Variants in BNC2 observed in about 807,000 individuals in gnomAD.
BNC2 encodes basonuclin zinc finger protein 2, also known as zinc finger protein basonuclin-2.
A neutral mutation model predicts 76.3 loss-of-function variants in BNC2; 20 were observed. The ratio of observed to expected loss-of-function variants is 0.26; its 90% CI spans 0.18 to 0.38. BNC2 has a LOEUF of 0.38. Among genes scored for constraint, BNC2 ranks in the 10% least tolerant of loss-of-function variants. BNC2 has a pLI of 1.00. For synonymous variants in BNC2, 582 were observed against 514.8 expected, an observed-to-expected ratio of 1.13 and a Z score of -1.77; for missense variants, 1,382 against 1,399.8, an observed-to-expected ratio of 0.99 and a Z score of 0.20.
chr9:16,678,951 A>G (rs1313951994), intron 3 of BNC2, among the ~76,000 whole-genome samples: 1 of 152,198 alleles, frequency 6.6e-6, no homozygotes, highest in Non-Finnish European at 1.5e-5. Flanking sequence ...GTAACCTTCT[A>G]TCGCCCAAGA....
rs556325063 is a variant in BNC2, at chr9:16,417,660, A to C, written c.*1329T>G. 3 of 152,758 alleles carry C rather than the reference A, an allele frequency of 2.0e-5. No individual in the cohort carries two copies. The highest frequency in any genetic ancestry group is 3.9e-4 in the East Asian group (2 of 5,186). 9.5% of individuals were successfully genotyped at this position (152,758 alleles called of 1,614,324 possible). On this transcript the variant is annotated 3_prime_UTR_variant, in exon 7 of 7. Coordinates refer to ENST00000380672, the MANE Select transcript of BNC2 (RefSeq NM_017637.6). Reference sequence around the variant, plus strand: ...ACCCAGTTCAGAGGATTTCTTTTTAAAGGATAAGGGTTAGGGCCTTGGAAA... The same window carrying C: ...ACCCAGTTCAGAGGATTTCTTTTTACAGGATAAGGGTTAGGGCCTTGGAAA...
intron 4 of BNC2, among the ~76,000 whole-genome samples, chr9:16,553,266 G>A (rs1818721182): frequency 6.6e-6 from 1 of 152,330 alleles, no homozygotes; most frequent in East Asian, 1.9e-4. Flanking sequence ...GGAAGAGAGT[G>A]TTCTTTAGAC....
At chr9:16,425,772 T>C (rs1820793446) in intron 6 of BNC2, among the ~76,000 whole-genome samples, 1 of 152,224 alleles carries the variant, frequency 6.6e-6, no homozygotes, top group East Asian at 1.9e-4. Context: ...ATACTAAATC[T>C]GGCCCTACAG....
At chr9:16,426,034 G>A (rs1224047550) in intron 6 of BNC2, among the ~76,000 whole-genome samples, 1 of 152,236 alleles carries the variant, frequency 6.6e-6, no homozygotes, top group African/African-American at 2.4e-5. Flanking sequence ...GTTACACTGT[G>A]AACAGGATTA....
At position 16,409,695 on chromosome 9, in the gene BNC2, A is replaced by G. The variant is rs966183289; in HGVS notation, c.*9294T>C. On this transcript the variant is annotated 3_prime_UTR_variant, in exon 7 of 7. Coordinates refer to ENST00000380672, the MANE Select transcript of BNC2 (RefSeq NM_017637.6). ...AAGTAACAGCAAATTAAAAAATTTA[A>G]TTACCTTAGCCTACCAATAAAAACA... 3 of 152,676 alleles carry G rather than the reference A, an allele frequency of 2.0e-5. No homozygotes were observed. Among genetic ancestry groups the G allele is most frequent in the African/African-American group, 7.2e-5 (3 of 41,472 alleles). The allele number at this position is 152,676 out of a possible 1,614,324, so 9.5% of individuals were successfully genotyped here.
chr9:16,424,558 T>C (rs1820769120), intron 6 of BNC2, among the ~76,000 whole-genome samples: 2 of 152,180 alleles, frequency 1.3e-5, no homozygotes, highest in Admixed American at 1.3e-4. Context: ...TACAGAATGA[T>C]CATAACAACA....
chr9:16,684,708 T>C (rs1342045081), intron 3 of BNC2, among the ~76,000 whole-genome samples: 2 of 152,128 alleles, frequency 1.3e-5, no homozygotes, highest in Non-Finnish European at 2.9e-5. Context: ...TAGGGAGTGC[T>C]ACCCATGTTG....
At chr9:16,670,770 T>C (rs974009691) in intron 3 of BNC2, among the ~76,000 whole-genome samples, 3 of 152,164 alleles carry the variant, frequency 2.0e-5, no homozygotes, top group Non-Finnish European at 1.5e-5. Context: ...CTACAATAAA[T>C]GCAAGAAAAG....
chr9:16,804,874 C>CA (rs1817866611), intron 1 of BNC2, among the ~76,000 whole-genome samples: 1 of 151,870 alleles, frequency 6.6e-6, no homozygotes, highest in South Asian at 2.1e-4. Flanking sequence ...CCAGCCTGGC[C>CA]AATACAGTGA....
intron 3 of BNC2, among the ~76,000 whole-genome samples, chr9:16,670,064 A>C (rs924837351): frequency 6.6e-6 from 1 of 152,192 alleles, no homozygotes; most frequent in African/African-American, 2.4e-5. Context: ...TAAGTACTGA[A>C]AGCATGCATA....
chr9:16,592,559 T>C (rs940580035), intron 3 of BNC2, among the ~76,000 whole-genome samples: 2 of 152,140 alleles, frequency 1.3e-5, no homozygotes, highest in African/African-American at 2.4e-5. Flanking sequence ...CTAAAGGGCA[T>C]GGAGTTTCTT....
chr9:16,542,449 C>T (rs376017402), intron 5 of BNC2, among the ~76,000 whole-genome samples: 1 of 152,226 alleles, frequency 6.6e-6, no homozygotes, highest in African/African-American at 2.4e-5. Context: ...ACTCAGTTGC[C>T]ACCAACAAAT....
chr9:16,718,823 A>G lies in BNC2; in HGVS notation c.330+8974T>C, dbSNP rs138904868. 9.3e-3 allele frequency among the ~76,000 whole-genome samples: 1,409 copies of G among 152,312 alleles called. 17 individuals are homozygous for G. Among genetic ancestry groups the G allele is most frequent in the African/African-American group, 0.032 (1,313 of 41,562 alleles). ...AGGAAGTCATTAGCAAATCCTCAAC[A>G]TACATAGAATTAAGTCACCTAATTG... On this transcript the variant is annotated intron_variant, in intron 3 of 6. Transcript: ENST00000380672.
chr9:16,815,260 C>A (rs1176007983), intron 1 of BNC2, among the ~76,000 whole-genome samples: 1 of 152,018 alleles, frequency 6.6e-6, no homozygotes, highest in Non-Finnish European at 1.5e-5. Flanking sequence ...AAACATAGAT[C>A]AGATATGGTA....
intron 1 of BNC2, among the ~76,000 whole-genome samples, chr9:16,808,261 G>A (rs1037107846): frequency 1.3e-5 from 2 of 151,944 alleles, no homozygotes; most frequent in Admixed American, 6.6e-5. Flanking sequence ...CTTTTGTTAG[G>A]CTAATTACCC....
intron 3 of BNC2, among the ~76,000 whole-genome samples, chr9:16,717,128 A>T (rs1824014747): frequency 6.6e-6 from 1 of 152,184 alleles, no homozygotes; most frequent in South Asian, 2.1e-4. Flanking sequence ...AGCAATTAGA[A>T]ATAGACACCT....
intron 1 of BNC2, among the ~76,000 whole-genome samples, chr9:16,843,468 G>A (rs1456969359): frequency 6.6e-6 from 1 of 152,168 alleles, no homozygotes; most frequent in African/African-American, 2.4e-5. Flanking sequence ...AGAGTAGCTG[G>A]GATTACAGGT....
chr9:16,663,122 TG>T (rs1822159076), intron 3 of BNC2, among the ~76,000 whole-genome samples: 12 of 135,894 alleles, frequency 8.8e-5, no homozygotes, highest in African/African-American at 3.5e-4. Context: ...CACTCCACTC[TG>T]TTTACTCTTT....
chr9:16,792,457 T>C (rs140789864), intron 1 of BNC2, among the ~76,000 whole-genome samples: 38 of 152,288 alleles, frequency 2.5e-4, no homozygotes, highest in African/African-American at 9.1e-4. Flanking sequence ...GCAAACCTGA[T>C]TCATATAATT....
Sources: allele counts gnomAD v4.1 joint callset (sites outside exome capture counted in the v4.1 genomes callset), GRCh38; gene constraint gnomAD v4.1.1; transcripts MANE v1.5; gene names NCBI Gene and HGNC (gene_info 2026-07-23, HGNC 2026-07-21).